The following RNF180 variants were observed in gnomAD, a reference collection of about 807,000 sequenced individuals.
The protein encoded by RNF180 is ring finger protein 180, also known as E3 ubiquitin-protein ligase RNF180.
A neutral mutation model predicts 59.2 loss-of-function variants in RNF180; 38 were observed. The ratio of observed to expected loss-of-function variants is 0.64; its 90% CI spans 0.50 to 0.84. The LOEUF is 0.84. RNF180 is among the 40% of genes least tolerant of loss of function. The pLI is 0.00. For synonymous variants in RNF180, 262 were observed against 240.3 expected, an observed-to-expected ratio of 1.09 and a Z score of -0.84; for missense variants, 705 against 700.9, an observed-to-expected ratio of 1.01 and a Z score of -0.07.
chr5:64,181,295 A>G (rs1432863525), intron 1 of RNF180, among the ~76,000 whole-genome samples: 2 of 152,200 alleles, frequency 1.3e-5, no homozygotes, highest in African/African-American at 2.4e-5. Flanking sequence ...TTTGCATCCT[A>G]CAATCCAATC....
At chr5:64,189,309 G>A (rs1751020699) in intron 1 of RNF180, among the ~76,000 whole-genome samples, 1 of 152,088 alleles carries the variant, frequency 6.6e-6, no homozygotes, top group South Asian at 2.1e-4. Context: ...AACATATGGA[G>A]GCTGGAAGAG....
At chr5:64,217,177 C>G (rs1182622270) in intron 4 of RNF180, among the ~76,000 whole-genome samples, 184 bp from the exon 5 acceptor site, 1 of 152,084 alleles carries the variant, frequency 6.6e-6, no homozygotes, top group Non-Finnish European at 1.5e-5. Flanking sequence ...AAGTTGTTTG[C>G]ATATATTTAT....
At chr5:64,229,354 T>C (rs1281259234) in intron 5 of RNF180, among the ~76,000 whole-genome samples, 2 of 152,146 alleles carry the variant, frequency 1.3e-5, no homozygotes, top group East Asian at 3.9e-4. Context: ...GATCATCTTG[T>C]TTTTCAACAC....
rs570321513 is a variant in RNF180, at chr5:64,365,331, A to G, written c.1580-4284A>G. On this transcript the variant is annotated intron_variant, in intron 7 of 7. Transcript: ENST00000389100. The stretch of plus-strand genomic sequence containing the variant: ...ATATATAGTTTTGGGACCTCTTCTT[A>G]TTGGATTCTGTTTTTATTGCACTGT... 2.6e-5 allele frequency among the ~76,000 whole-genome samples: 4 copies of G among 151,636 alleles called. No individual in the cohort carries two copies. The South Asian group carries it at 6.2e-4, about 24-fold the overall frequency.
In RNF180 at chr5:64,325,240, G is replaced by T; in HGVS notation, c.1282G>T (p.Asp428Tyr). ...AGACAATGAATATGCAGAAGAAAAG[G>T]ATAGCTACATCTGTGCAGTGTGTCT... ...DEDNEYAEEK[D>Y]SYICAVCLDV... The change falls in exon 6 of 8, where the codon GAT (aspartate) becomes TAT (tyrosine). Residue 428 changes from aspartate to tyrosine, a missense_variant. By Grantham distance (160) the Asp-to-Tyr change is radical. Coordinates refer to ENST00000389100, the MANE Select transcript of RNF180 (RefSeq NM_001113561.2). 1.3e-6 allele frequency: 2 copies of T among 1,551,530 alleles called. No homozygotes were observed. The highest frequency in any genetic ancestry group is 1.7e-6 in the Non-Finnish European group (2 of 1,146,814).
intron 5 of RNF180, among the ~76,000 whole-genome samples, chr5:64,255,753 C>T (rs1177114684): frequency 1.3e-5 from 2 of 152,098 alleles, no homozygotes; most frequent in South Asian, 4.2e-4. Context: ...TTTCTAGTTC[C>T]AGATCCCTGA....
chr5:64,202,486 CT>C (rs1256511530), intron 2 of RNF180, among the ~76,000 whole-genome samples: 1 of 151,950 alleles, frequency 6.6e-6, no homozygotes, highest in Admixed American at 6.6e-5. Flanking sequence ...TTTATTATTT[CT>C]GTTTAATATA....
At chr5:64,197,753 C>T (rs60206367) in intron 1 of RNF180, among the ~76,000 whole-genome samples, 2,483 of 152,174 alleles carry the variant, frequency 0.016, 63 homozygotes, top group African/African-American at 0.056. Context: ...AAGTCAGTAC[C>T]TTTTCGTGGC....
In RNF180 at chr5:64,371,226, G is replaced by T. The variant is rs1009659648; in HGVS notation, c.*1412G>T. Reference sequence around the variant, plus strand: ...CACTAGACATCAAATCCAGAAATCAGAACACTAAGTACAATTTAGAAACAC... The same window carrying T: ...CACTAGACATCAAATCCAGAAATCATAACACTAAGTACAATTTAGAAACAC... On this transcript the variant is annotated 3_prime_UTR_variant, in exon 8 of 8. Coordinates refer to ENST00000389100, the MANE Select transcript of RNF180 (RefSeq NM_001113561.2). 2 of 151,366 alleles carry T rather than the reference G, an allele frequency of 1.3e-5. No homozygotes were observed. Among genetic ancestry groups the T allele is most frequent in the Non-Finnish European group, 3.0e-5 (2 of 67,648 alleles). The allele number at this position is 151,366 out of a possible 1,614,324, so 9.4% of individuals were successfully genotyped here. A position where few individuals can be genotyped will look rare whatever the true frequency, so the allele number is the denominator to read the frequency against.
Position 64,260,353 on chromosome 5 carries a change from T to C in RNF180, c.1227+42957T>C, listed in dbSNP as rs189283187. 1.5e-3 allele frequency among the ~76,000 whole-genome samples: 225 copies of C among 152,304 alleles called. 1 individual carries two copies. Among genetic ancestry groups the C allele is most frequent in the African/African-American group, 5.2e-3 (216 of 41,574 alleles). The stretch of plus-strand genomic sequence containing the variant: ...CTATTAATGAATTTTAAAAATTGCT[T>C]CCAGTTTTTTATTGTAACTGATTTT... On this transcript the variant is annotated intron_variant, in intron 5 of 7. Coordinates refer to ENST00000389100, the MANE Select transcript of RNF180 (RefSeq NM_001113561.2).
At chr5:64,268,197 G>C (rs886656839) in intron 5 of RNF180, among the ~76,000 whole-genome samples, 2 of 152,084 alleles carry the variant, frequency 1.3e-5, no homozygotes, top group South Asian at 4.1e-4. Flanking sequence ...TTTAGCTAGC[G>C]TTATTTTAGA....
At chr5:64,283,704 GCTTCCCC>G (rs1742131662) in intron 5 of RNF180, among the ~76,000 whole-genome samples, 1 of 152,122 alleles carries the variant, frequency 6.6e-6, no homozygotes, top group East Asian at 1.9e-4. Context: ...AAGGTGCCTT[GCTTCCCC>G]TTTGCCTTCT....
At chr5:64,345,605 A>C (rs1715490020) in intron 7 of RNF180, among the ~76,000 whole-genome samples, 1 of 152,236 alleles carries the variant, frequency 6.6e-6, no homozygotes, top group African/African-American at 2.4e-5. Flanking sequence ...CACAATGTTC[A>C]GATCTAAATG....
chr5:64,224,956 C>T (rs936704972), intron 5 of RNF180, among the ~76,000 whole-genome samples: 4 of 152,238 alleles, frequency 2.6e-5, no homozygotes, highest in Non-Finnish European at 5.9e-5. Flanking sequence ...ACACCAAATG[C>T]TGGTCCCTTG....
At chr5:64,341,269 G>A (rs1745344685) in intron 7 of RNF180, among the ~76,000 whole-genome samples, 1 of 152,076 alleles carries the variant, frequency 6.6e-6, no homozygotes, top group African/African-American at 2.4e-5. Flanking sequence ...CCAAAATAAT[G>A]CTTTACCTAA....
intron 7 of RNF180, among the ~76,000 whole-genome samples, chr5:64,354,925 A>T (rs1308779571): frequency 6.6e-6 from 1 of 151,936 alleles, no homozygotes; most frequent in Non-Finnish European, 1.5e-5. Flanking sequence ...GACTGCTTCA[A>T]CATGACACTG....
intron 7 of RNF180, among the ~76,000 whole-genome samples, chr5:64,346,657 A>G (rs1745573184): frequency 6.6e-6 from 1 of 152,066 alleles, no homozygotes; most frequent in Admixed American, 6.6e-5. Context: ...AGCATGAGCC[A>G]CTGTCCCTGG....
At chr5:64,322,452 T>G (rs1744406707) in intron 5 of RNF180, among the ~76,000 whole-genome samples, 1 of 152,090 alleles carries the variant, frequency 6.6e-6, no homozygotes, top group South Asian at 2.1e-4. Flanking sequence ...AGATACCATC[T>G]CATGCCAGTC....
chr5:64,329,738 G>A (rs1054389003), intron 6 of RNF180, among the ~76,000 whole-genome samples: 9 of 152,132 alleles, frequency 5.9e-5, no homozygotes, highest in African/African-American at 1.2e-4. Flanking sequence ...GATTACAGGC[G>A]CATTAATTAG....
Sources: allele counts gnomAD v4.1 joint callset (sites outside exome capture counted in the v4.1 genomes callset), GRCh38; gene constraint gnomAD v4.1.1; transcripts MANE v1.5; gene names NCBI Gene and HGNC (gene_info 2026-07-23, HGNC 2026-07-21).